Variants in SLC75A1 observed in about 807,000 individuals in gnomAD.
SLC75A1 encodes solute carrier family 75 member 1.
chr4:2,932,201 C>G, the SLC75A1 span: 1 of 1,564,754 alleles, frequency 6.4e-7, no homozygotes, highest in Non-Finnish European at 8.6e-7. Flanking sequence ...GCTGGCCTGG[C>G]AACCCACGGA....
At chr4:2,933,216 G>A in the SLC75A1 span, 1 of 1,612,718 alleles carries the variant, frequency 6.2e-7, no homozygotes, top group Non-Finnish European at 8.5e-7. Context: ...AGACCTGAGA[G>A]ACAGATGTCA....
chr4:2,933,395 C>G, the SLC75A1 span, among the ~76,000 whole-genome samples: 2 of 152,164 alleles, frequency 1.3e-5, no homozygotes, highest in Admixed American at 1.3e-4. Context: ...ACGTGACACG[C>G]GGAGGCAAGG....
chr4:2,931,854 G>A, the SLC75A1 span: 1 of 1,608,740 alleles, frequency 6.2e-7, no homozygotes, highest in Non-Finnish European at 8.5e-7. Flanking sequence ...GGTGTGTGAG[G>A]AAGCTCAGCG....
chr4:2,933,659 G>C, the SLC75A1 span: 2 of 1,613,708 alleles, frequency 1.2e-6, no homozygotes, highest in African/African-American at 1.3e-5. Context: ...GCCATAGAGG[G>C]GGTCCTAGGG....
the SLC75A1 span, chr4:2,931,619 G>C: frequency 6.2e-7 from 1 of 1,613,648 alleles, no homozygotes; most frequent in Non-Finnish European, 8.5e-7. Context: ...CTGGATGGTG[G>C]CCATGGTGAG....
At chr4:2,931,799 C>T in the SLC75A1 span, 1 of 1,569,340 alleles carries the variant, frequency 6.4e-7, no homozygotes, top group Non-Finnish European at 8.7e-7. Flanking sequence ...AGGGAGACAG[C>T]AGGCCGTCGC....
At chr4:2,933,936 T>C in the SLC75A1 span, 1 of 1,553,338 alleles carries the variant, frequency 6.4e-7, no homozygotes, top group East Asian at 2.4e-5. Flanking sequence ...TGGGCTGCTC[T>C]GACCTGGCCT....
chr4:2,933,604 C>T, the SLC75A1 span: 2 of 1,613,698 alleles, frequency 1.2e-6, no homozygotes, highest in South Asian at 2.2e-5. Flanking sequence ...TCTCCACTGG[C>T]ATCCCGATGG....
At chr4:2,931,725 CGA>C in the SLC75A1 span, 4 of 1,557,266 alleles carry the variant, frequency 2.6e-6, no homozygotes, top group Non-Finnish European at 3.5e-6. Context: ...AGGGCCAGGG[CGA>C]GAGTGGCTGC....
At chr4:2,933,456 C>A in the SLC75A1 span, 2 of 1,222,134 alleles carry the variant, frequency 1.6e-6, no homozygotes, top group South Asian at 1.3e-5. Flanking sequence ...GACATGCCAG[C>A]CCAGGGAGTG....
the SLC75A1 span, chr4:2,931,967 G>T: frequency 6.2e-7 from 1 of 1,601,712 alleles, no homozygotes; most frequent in South Asian, 1.1e-5. Flanking sequence ...CTGAGAAGGC[G>T]ACCACAGCAG....
chr4:2,932,833 C>T, the SLC75A1 span: 1 of 1,493,932 alleles, frequency 6.7e-7, no homozygotes, highest in Non-Finnish European at 8.9e-7. Context: ...GGCTTGGCAA[C>T]CCAGACAACA....
At chr4:2,931,460 G>T in the SLC75A1 span, 1 of 1,572,944 alleles carries the variant, frequency 6.4e-7, no homozygotes. Flanking sequence ...CCAGCAGCAG[G>T]AGGGCCTGCA....
At chr4:2,933,320 C>T in the SLC75A1 span, 2 of 1,127,776 alleles carry the variant, frequency 1.8e-6, no homozygotes, top group Admixed American at 2.1e-5. Flanking sequence ...ATGCTGGGCC[C>T]TACACTCACA....
At chr4:2,930,927 A>G in the SLC75A1 span, 1 of 1,613,034 alleles carries the variant, frequency 6.2e-7, no homozygotes. Flanking sequence ...GTGGTGAAGC[A>G]GGCCTGGGCC....
chr4:2,933,595 C>T, the SLC75A1 span: 2 of 1,613,786 alleles, frequency 1.2e-6, no homozygotes, highest in East Asian at 2.2e-5. Flanking sequence ...TGTACCTCTT[C>T]TCCACTGGCA....
the SLC75A1 span, chr4:2,934,743 C>T: frequency 1.4e-5 from 2 of 141,216 alleles, no homozygotes; most frequent in Admixed American, 7.0e-5. Context: ...CCCCCCACCC[C>T]GGGCGCCCCC....
the SLC75A1 span, chr4:2,932,865 C>T: frequency 5.0e-6 from 7 of 1,396,680 alleles, no homozygotes; most frequent in South Asian, 2.9e-5. Context: ...TGCCCTATTT[C>T]GAAGCATCTG....
At chr4:2,934,153 T>C in the SLC75A1 span, 6,891 of 591,766 alleles carry the variant, frequency 0.012, 95 homozygotes, top group African/African-American at 0.046. Flanking sequence ...GCACAAAAAA[T>C]AGCCGCAAAG....
Sources: allele counts gnomAD v4.1 joint callset (sites outside exome capture counted in the v4.1 genomes callset), GRCh38; gene constraint gnomAD v4.1.1; transcripts MANE v1.5; gene names NCBI Gene and HGNC (gene_info 2026-07-23, HGNC 2026-07-21).